The following DOCK2 variants were observed in gnomAD, a reference collection of about 807,000 sequenced individuals.
DOCK2 encodes the protein dedicator of cytokinesis 2.
In DOCK2, 87 loss-of-function variants were observed where a neutral mutation model predicts 248.9. That is an observed-to-expected ratio of 0.35 (90% CI 0.29 to 0.42). The LOEUF (loss-of-function observed/expected upper bound fraction) is 0.42. Ranked by LOEUF, DOCK2 falls within the 10% of genes least tolerant of loss-of-function variation. The pLI, the probability that DOCK2 is intolerant of heterozygous loss-of-function variation, is 1.00. For synonymous variants in DOCK2, 805 were observed against 821.6 expected, an observed-to-expected ratio of 0.98 and a Z score of 0.35; for missense variants, 1,747 against 2,300.2, an observed-to-expected ratio of 0.76 and a Z score of 4.92.
At chr5:169,705,594 A>C (rs1296587610) in intron 14 of DOCK2, among the ~76,000 whole-genome samples, 1 of 152,194 alleles carries the variant, frequency 6.6e-6, no homozygotes, top group Non-Finnish European at 1.5e-5. Context: ...ATATCAGATG[A>C]GGTAATCTAC....
At chr5:169,671,448 A>G (rs1759047657) in intron 5 of DOCK2, among the ~76,000 whole-genome samples, 1 of 152,346 alleles carries the variant, frequency 6.6e-6, no homozygotes, top group South Asian at 2.1e-4. Context: ...CATAAGAATC[A>G]CCTTAAGAAC....
chr5:169,883,665 G>A, intron 27 of DOCK2: 7 of 1,551,118 alleles, frequency 4.5e-6, no homozygotes, highest in Non-Finnish European at 6.1e-6. Flanking sequence ...AGAGCGAGTA[G>A]GTGGGGGGAA....
At chr5:169,756,531 C>T (rs530314256) in intron 23 of DOCK2, among the ~76,000 whole-genome samples, 2 of 152,226 alleles carry the variant, frequency 1.3e-5, no homozygotes, top group East Asian at 1.9e-4. Context: ...AAGGAGTGAA[C>T]AAATGAGCCT....
chr5:169,982,365 T>C (rs1302713416), intron 27 of DOCK2, among the ~76,000 whole-genome samples: 1 of 152,214 alleles, frequency 6.6e-6, no homozygotes. Context: ...TGATGTCTTC[T>C]GGTGCATGAA....
chr5:169,793,698 A>T (rs1328844767), intron 25 of DOCK2, among the ~76,000 whole-genome samples: 1 of 152,140 alleles, frequency 6.6e-6, no homozygotes, highest in Non-Finnish European at 1.5e-5. Flanking sequence ...ACTTTTTACC[A>T]TGGGCCCCAG....
chr5:169,844,811 GT>G (rs1770207710), intron 27 of DOCK2, among the ~76,000 whole-genome samples: 1 of 150,318 alleles, frequency 6.7e-6, no homozygotes, highest in Non-Finnish European at 1.5e-5. Context: ...TTTAAGGCTT[GT>G]GCCTATTTGT....
intron 26 of DOCK2, among the ~76,000 whole-genome samples, chr5:169,803,932 C>A (rs1338106111): frequency 6.6e-6 from 1 of 152,126 alleles, no homozygotes; most frequent in African/African-American, 2.4e-5. Context: ...TGGATCTGAC[C>A]CAGGTTCCTC....
At chr5:169,952,486 G>C (rs1776702111) in intron 27 of DOCK2, among the ~76,000 whole-genome samples, 1 of 152,040 alleles carries the variant, frequency 6.6e-6, no homozygotes. Flanking sequence ...CAGGTGACCT[G>C]TTTTTCTTAA....
At chr5:169,861,690 GTA>G (rs1771207994) in intron 27 of DOCK2, among the ~76,000 whole-genome samples, 1 of 152,174 alleles carries the variant, frequency 6.6e-6, no homozygotes, top group Non-Finnish European at 1.5e-5. Flanking sequence ...TGCAGTTTTG[GTA>G]TATGTGTGTG....
chr5:169,873,717 C>T (rs1450988035), intron 27 of DOCK2, among the ~76,000 whole-genome samples: 1 of 152,172 alleles, frequency 6.6e-6, no homozygotes, highest in African/African-American at 2.4e-5. Flanking sequence ...TAGAGAAATG[C>T]CTTTTTCTCT....
intron 27 of DOCK2, among the ~76,000 whole-genome samples, chr5:169,901,633 G>A (rs1184074010): frequency 6.6e-6 from 1 of 152,164 alleles, no homozygotes; most frequent in Non-Finnish European, 1.5e-5. Context: ...ATGAGAACTG[G>A]ATAAACTCAA....
intron 30 of DOCK2, among the ~76,000 whole-genome samples, chr5:170,003,676 G>A (rs60652649): frequency 0.049 from 7,441 of 152,284 alleles, 542 homozygotes; most frequent in African/African-American, 0.16. Flanking sequence ...GGCCACCTAG[G>A]TGGGCAGTTG....
At chr5:169,761,651 GT>G in intron 25 of DOCK2, 26 bp downstream of exon 25, 1 of 1,601,184 alleles carries the variant, frequency 6.2e-7, no homozygotes, top group Non-Finnish European at 8.6e-7. Flanking sequence ...CCTTGCTGGG[GT>G]GGGGTAAGGG....
chr5:170,016,552 C>G (rs77450337), intron 32 of DOCK2, among the ~76,000 whole-genome samples: 1 of 152,228 alleles, frequency 6.6e-6, no homozygotes, highest in Non-Finnish European at 1.5e-5. Flanking sequence ...TCTCTCTCTC[C>G]GCTTTCCCTA....
rs1756251576 is a variant in DOCK2, at chr5:170,034,497, G to A, written c.3566G>A (p.Arg1189Gln). Reference protein sequence around the residue: ...KGLLEKLLDYRGVMTDESKDN... With the variant: ...KGLLEKLLDYQGVMTDESKDN... ...CTCCTGGAGAAGCTGCTGGATTACC[G>A]GGGTGTGATGACAGATGAGAGCAAA... The change falls in exon 35 of 52, where the codon CGG becomes CAG. Residue 1189 changes from arginine (R) to glutamine (Q), a missense_variant. Coordinates refer to ENST00000520908, the MANE Select transcript of DOCK2 (RefSeq NM_004946.3). 1 of 1,614,150 alleles carries A rather than the reference G, an allele frequency of 6.2e-7. No individual in the cohort carries two copies. Among genetic ancestry groups the A allele is most frequent in the Non-Finnish European group, 8.5e-7 (1 of 1,180,014 alleles).
chr5:169,822,056 T>C (rs920783791), intron 26 of DOCK2, among the ~76,000 whole-genome samples: 1 of 152,182 alleles, frequency 6.6e-6, no homozygotes, highest in South Asian at 2.1e-4. Context: ...ATCAATTCAA[T>C]AAGAAGAGCT....
chr5:170,060,455 A>G (rs1017069085), intron 44 of DOCK2, among the ~76,000 whole-genome samples: 3 of 152,212 alleles, frequency 2.0e-5, no homozygotes, highest in African/African-American at 7.2e-5. Context: ...TCTCTGTTGA[A>G]TTACATTTTT....
chr5:169,802,720 TGACAGTAATA>T (rs147643001), intron 25 of DOCK2, among the ~76,000 whole-genome samples: 1,525 of 152,304 alleles, frequency 0.01, 31 homozygotes, highest in African/African-American at 0.035. Context: ...AAGTTTATAG[TGACAGTAATA>T]GACTTAAATG....
intron 22 of DOCK2, among the ~76,000 whole-genome samples, chr5:169,730,772 C>T (rs1439467659): frequency 6.6e-6 from 1 of 152,186 alleles, no homozygotes; most frequent in Non-Finnish European, 1.5e-5. Context: ...AGTCACCACA[C>T]TTACTATTTT....
Sources: gnomAD v4.1 joint callset for allele counts (sites outside exome capture counted in the v4.1 genomes callset) on GRCh38, gnomAD v4.1.1 for gene constraint, MANE v1.5 for transcripts, NCBI Gene and HGNC (gene_info 2026-07-23, HGNC 2026-07-21) for gene names.